Variants in ARHGEF18 observed in about 807,000 individuals in gnomAD.
ARHGEF18 encodes the protein rho guanine nucleotide exchange factor 18.
Under a neutral mutation model 155.7 loss-of-function variants are expected in ARHGEF18, and 93 were observed. The ratio of observed to expected loss-of-function variants is 0.60; its 90% CI spans 0.50 to 0.71. The LOEUF (loss-of-function observed/expected upper bound fraction) is 0.71, where lower values mean the gene tolerates loss of function less well. Among genes scored for constraint, ARHGEF18 ranks in the 30% least tolerant of loss-of-function variants. ARHGEF18 has a pLI of 0.00. For missense variants in ARHGEF18, 1,593 were observed against 1,816.1 expected, an observed-to-expected ratio of 0.88 and a Z score of 2.23; for synonymous variants, 742 against 753.1, an observed-to-expected ratio of 0.99 and a Z score of 0.24.
At chr19:7,362,253 GGAA>G (rs1171130213) in intron 1 of ARHGEF18, among the ~76,000 whole-genome samples, 2 of 148,508 alleles carry the variant, frequency 1.3e-5, no homozygotes, top group Non-Finnish European at 3.0e-5. Flanking sequence ...AAGAGGAAGA[GGAA>G]GAAGAAAGGA....
chr19:7,425,459 G>A (rs1384251400), intron 10 of ARHGEF18, among the ~76,000 whole-genome samples: 17 of 152,016 alleles, frequency 1.1e-4, no homozygotes, highest in African/African-American at 3.1e-4. Flanking sequence ...TGAGGCGGGC[G>A]GATCACGAGG....
Position 7,469,084 on chromosome 19 carries a change from A to G in ARHGEF18, c.3740A>G (p.Lys1247Arg). The change falls in exon 27 of 29, where the codon AAG (lysine) becomes AGG (arginine). Residue 1247 changes from lysine (K) to arginine (R), a missense_variant. Lys to Arg is a conservative substitution (Grantham distance 26). Transcript: ENST00000668164. The stretch of plus-strand genomic sequence containing the variant: ...CTGGCGGCCTCCACCAAGGGTGGCA[A>G]GGACAAGGGCGGCAAGAGCAGGGGC... ...TKLAASTKGGKDKGGKSRGSQ... is the reference protein window; with the variant it reads ...TKLAASTKGGRDKGGKSRGSQ... 6.2e-7 allele frequency: 1 copy of G among 1,609,464 alleles called. No homozygotes were observed. Among genetic ancestry groups the G allele is most frequent in the Non-Finnish European group, 8.5e-7 (1 of 1,178,928 alleles).
At chr19:7,454,921 C>T (rs1457439458) in intron 17 of ARHGEF18, among the ~76,000 whole-genome samples, 2 of 152,132 alleles carry the variant, frequency 1.3e-5, no homozygotes, top group African/African-American at 4.8e-5. Context: ...CCCAGGACTG[C>T]TGATCAGCAT....
chr19:7,373,251 G>A (rs1200677005), intron 3 of ARHGEF18, among the ~76,000 whole-genome samples, 180 bp downstream of exon 3: 1 of 152,178 alleles, frequency 6.6e-6, no homozygotes, highest in Admixed American at 6.5e-5. Flanking sequence ...AGGGGGACAG[G>A]GGATACTTTC....
At chr19:7,412,850 A>G (rs1176910860) in intron 10 of ARHGEF18, among the ~76,000 whole-genome samples, 1 of 151,764 alleles carries the variant, frequency 6.6e-6, no homozygotes, top group Non-Finnish European at 1.5e-5. Flanking sequence ...GCGTCTTTTC[A>G]TGTGCTGACT....
At chr19:7,466,887 T>G in intron 23 of ARHGEF18, 31 bp from the exon 24 acceptor site, 1 of 1,603,110 alleles carries the variant, frequency 6.2e-7, no homozygotes, top group South Asian at 1.1e-5. Context: ...CTTGAGCCAC[T>G]CTCTCTGGTT....
rs1971658354 is a variant in ARHGEF18 at position 7,395,664 on chromosome 19, C to A, written c.967+12461C>A. Among the ~76,000 whole-genome samples, 1 of 152,094 alleles carries A rather than the reference C, an allele frequency of 6.6e-6. No individual in the cohort carries two copies. Among genetic ancestry groups the A allele is most frequent in the Middle Eastern group, 3.2e-3 (1 of 316 alleles). On this transcript the variant is annotated intron_variant, in intron 10 of 28. Transcript: ENST00000668164. This position sits in a 1 kb window ranked among gnomAD's most constrained non-coding sequence, Gnocchi z 5.0. ...TCGTATTTCAGGCCTCCCGGGAGAACCCTCACACCCCGGAGCAGACAGCCC... is the reference window on the plus strand; with the variant it reads ...TCGTATTTCAGGCCTCCCGGGAGAAACCTCACACCCCGGAGCAGACAGCCC...
At chr19:7,446,970 C>T in intron 14 of ARHGEF18, 73 bp from the exon 15 acceptor site, 1 of 1,527,432 alleles carries the variant, frequency 6.5e-7, no homozygotes, top group Admixed American at 2.0e-5. Context: ...TTAGCAGACT[C>T]AGACGAATTA....
In ARHGEF18 at chr19:7,431,489, C is replaced by T. The variant is rs1261787024; in HGVS notation, c.968-8855C>T. On this transcript the variant is annotated intron_variant, in intron 10 of 28. Coordinates refer to ENST00000668164, the MANE Select transcript of ARHGEF18 (RefSeq NM_001367823.1). ...TCGTGCCACTGCACTCCAGCCTGGA[C>T]GACAGAGTGAGACTCCATCTCAAAA... Among the ~76,000 whole-genome samples the T allele has an allele frequency of 6.8e-5, 8 of 117,302 alleles. No individual in the cohort carries two copies. In the South Asian group the frequency reaches 1.7e-3, roughly 25 times the overall value. The allele number at this position is 117,302 out of a possible 152,430, so 77.0% of individuals were successfully genotyped here. A position where few individuals can be genotyped will look rare whatever the true frequency, so the allele number is the denominator to read the frequency against.
chr19:7,479,370 G>T, the ARHGEF18 span, among the ~76,000 whole-genome samples: 2,865 of 152,222 alleles, frequency 0.019, 94 homozygotes, highest in African/African-American at 0.065. Flanking sequence ...TGTAATCCCA[G>T]GTACTCGGGA....
downstream of ARHGEF18, among the ~76,000 whole-genome samples, chr19:7,474,657 C>T (rs577952491): frequency 2.6e-5 from 4 of 151,964 alleles, no homozygotes; most frequent in African/African-American, 4.8e-5. Context: ...GGATTACAGG[C>T]GTGAGCCACC....
chr19:7,409,041 G>A (rs1047528055), intron 10 of ARHGEF18, among the ~76,000 whole-genome samples: 2 of 150,408 alleles, frequency 1.3e-5, no homozygotes, highest in Non-Finnish European at 3.0e-5. Context: ...GCCTGGGCAA[G>A]AGCAAGACCC....
intron 3 of ARHGEF18, among the ~76,000 whole-genome samples, chr19:7,374,673 G>A (rs1440844005): frequency 1.4e-5 from 2 of 139,272 alleles, no homozygotes; most frequent in Non-Finnish European, 3.0e-5. Flanking sequence ...GCGAGACTCT[G>A]TCTCAAAAAA....
intron 15 of ARHGEF18, among the ~76,000 whole-genome samples, chr19:7,448,825 A>G (rs1975181432): frequency 6.6e-6 from 1 of 151,862 alleles, no homozygotes; most frequent in Admixed American, 6.6e-5. Context: ...GGGAGACCCC[A>G]CCTCCCACGT....
rs543804526 is a variant in ARHGEF18, at chr19:7,351,823, T to C, written c.-111+2582T>C. 1.7e-3 allele frequency among the ~76,000 whole-genome samples: 256 copies of C among 151,994 alleles called. 1 individual carries two copies. The highest frequency in any genetic ancestry group is 6.0e-3 in the African/African-American group (250 of 41,456). ...AGTTCTCCTGCCTCAGCCTCCTGAG[T>C]AGCTGGGATTATAAATGCATACCAC... is the stretch of plus-strand genomic sequence containing the variant. On this transcript the variant is annotated intron_variant, in intron 1 of 28. Coordinates refer to ENST00000668164, the MANE Select transcript of ARHGEF18 (RefSeq NM_001367823.1).
At position 7,468,826 on chromosome 19, in the gene ARHGEF18, C is replaced by G; in HGVS notation, c.3482C>G (p.Ala1161Gly). The change falls in exon 27 of 29, where the codon GCC (alanine) becomes GGC (glycine). Residue 1161 changes from alanine (A) to glycine (G), a missense_variant and splice_region_variant. By Grantham distance (60) the Ala-to-Gly change is moderately conservative. Coordinates refer to ENST00000668164, the MANE Select transcript of ARHGEF18 (RefSeq NM_001367823.1). ...ATGTATCTGCTGTTGTCCCCTCAGG[C>G]CCAGCCCCCAAGCCACCCTCCCAGC... ...GALPPDTLAEAQPPSHPPSFN... is the reference protein window; with the variant it reads ...GALPPDTLAEGQPPSHPPSFN... 1 of 1,549,482 alleles carries G rather than the reference C, an allele frequency of 6.5e-7. No homozygotes were observed. Among genetic ancestry groups the G allele is most frequent in the Non-Finnish European group, 8.7e-7 (1 of 1,143,220 alleles).
intron 23 of ARHGEF18, among the ~76,000 whole-genome samples, chr19:7,464,933 C>A (rs1468810372): frequency 6.6e-6 from 1 of 152,218 alleles, no homozygotes; most frequent in Non-Finnish European, 1.5e-5. Flanking sequence ...AGGCTCAGGG[C>A]ACTCACCATG....
chr19:7,465,406 C>T (rs1361883344), intron 23 of ARHGEF18, among the ~76,000 whole-genome samples: 2 of 140,220 alleles, frequency 1.4e-5, no homozygotes, highest in Non-Finnish European at 3.1e-5. Flanking sequence ...GTGGGAGGAT[C>T]ACTTTTTTTT....
Position 7,469,077 on chromosome 19 carries a change from G to A in ARHGEF18, c.3733G>A (p.Gly1245Ser), listed in dbSNP as rs1052446238. The change falls in exon 27 of 29, where the codon GGT becomes AGT. Residue 1245 changes from glycine to serine, a missense_variant. Physicochemically the swap from Gly to Ser is moderately conservative, Grantham distance 56. Coordinates refer to ENST00000668164, the MANE Select transcript of ARHGEF18 (RefSeq NM_001367823.1). ...IPTKLAASTKGGKDKGGKSRG... is the reference protein window; with the variant it reads ...IPTKLAASTKSGKDKGGKSRG... ...CACCAAGCTGGCGGCCTCCACCAAG[G>A]GTGGCAAGGACAAGGGCGGCAAGAG... is the stretch of plus-strand genomic sequence containing the variant. 3 of 1,609,358 alleles carry A rather than the reference G, an allele frequency of 1.9e-6. No homozygotes were observed. The highest frequency in any genetic ancestry group is 2.2e-5 in the East Asian group (1 of 44,754).
Sources: gnomAD v4.1 joint callset for allele counts (sites outside exome capture counted in the v4.1 genomes callset) on GRCh38, gnomAD v4.1.1 for gene constraint, Gnocchi (gnomAD v3.1) non-coding constraint, MANE v1.5 for transcripts, NCBI Gene and HGNC (gene_info 2026-07-23, HGNC 2026-07-21) for gene names.